LDLRAD4: variants seen among roughly 807,000 people sequenced by gnomAD.
The protein encoded by LDLRAD4 is low-density lipoprotein receptor class A domain-containing protein 4.
Under a neutral mutation model 17.0 loss-of-function variants are expected in LDLRAD4, and 5 were observed. The observed-to-expected ratio is 0.29, with a 90% CI of 0.15 to 0.62. The LOEUF (loss-of-function observed/expected upper bound fraction) is 0.62. Ranked by LOEUF, LDLRAD4 falls within the 20% of genes least tolerant of loss-of-function variation. LDLRAD4 has a pLI of 0.84. For missense variants in LDLRAD4, 340 were observed against 424.7 expected (o/e 0.80, Z 1.75); for synonymous variants, 168 against 171.8 (o/e 0.98, Z 0.17).
chr18:13,486,225 T>A (rs2147027115), intron 3 of LDLRAD4, among the ~76,000 whole-genome samples: 1 of 152,370 alleles, frequency 6.6e-6, no homozygotes, highest in Admixed American at 6.5e-5. Flanking sequence ...CGTAGTTCCC[T>A]GGGATATGTC....
chr18:13,408,629 C>T (rs2088017232), intron 2 of LDLRAD4, among the ~76,000 whole-genome samples: 1 of 151,872 alleles, frequency 6.6e-6, no homozygotes. Context: ...CCCGCCACCA[C>T]ACCTGGCTAA....
chr18:13,307,482 T>C (rs2046983761), intron 1 of LDLRAD4, among the ~76,000 whole-genome samples: 2 of 152,216 alleles, frequency 1.3e-5, no homozygotes, highest in Non-Finnish European at 2.9e-5. Context: ...AGTGGTGCCA[T>C]CTTGGCACCC....
chr18:13,572,355 T>A (rs1785149), intron 3 of LDLRAD4, among the ~76,000 whole-genome samples: 1 of 152,068 alleles, frequency 6.6e-6, no homozygotes, highest in Non-Finnish European at 1.5e-5. Flanking sequence ...TGAATGTGAA[T>A]GTCCTCAGCT....
chr18:13,576,946 C>T (rs1377218111), intron 3 of LDLRAD4, among the ~76,000 whole-genome samples: 2 of 152,198 alleles, frequency 1.3e-5, no homozygotes, highest in South Asian at 2.1e-4. Flanking sequence ...AACAACATGT[C>T]GTTGTCTGTG....
chr18:13,584,010 C>T (rs1204716886), intron 3 of LDLRAD4, among the ~76,000 whole-genome samples: 2 of 152,102 alleles, frequency 1.3e-5, no homozygotes, highest in Non-Finnish European at 2.9e-5. Flanking sequence ...CCACCACCGC[C>T]CTTAGCCCAT....
At chr18:13,387,486 C>G in exon 2 of LDLRAD4, 2 of 467,830 alleles carry the variant, frequency 4.3e-6, no homozygotes, top group Non-Finnish European at 7.6e-6. Context: ...GCGCCATGGC[C>G]TCCGCGCCCT....
intron 1 of LDLRAD4, among the ~76,000 whole-genome samples, chr18:13,377,591 G>A (rs2085017413): frequency 6.6e-6 from 1 of 152,170 alleles, no homozygotes; most frequent in Non-Finnish European, 1.5e-5. Flanking sequence ...GATATCAGAT[G>A]GGCCTGTATC....
intron 1 of LDLRAD4, among the ~76,000 whole-genome samples, chr18:13,322,290 CTTTTTTT>C (rs370707500): frequency 9.1e-6 from 1 of 109,742 alleles, no homozygotes; most frequent in Non-Finnish European, 1.7e-5. Flanking sequence ...ACTTTTCTCA[CTTTTTTT>C]TTTTTTTTTT....
intron 1 of LDLRAD4, among the ~76,000 whole-genome samples, chr18:13,317,298 C>T (rs9953274): frequency 0.43 from 64,950 of 152,038 alleles, 14,903 homozygotes; most frequent in African/African-American, 0.61. Flanking sequence ...ATAGCTTCAA[C>T]CTGTAGAGAC....
At chr18:13,242,180 T>C (rs1242809312) in intron 1 of LDLRAD4, 1 of 152,268 alleles carries the variant, frequency 6.6e-6, no homozygotes, top group South Asian at 2.1e-4. Context: ...GCTTCTGACT[T>C]GTTGACCTAC....
chr18:13,401,062 A>T (rs1568102344), intron 2 of LDLRAD4, among the ~76,000 whole-genome samples: 1 of 152,016 alleles, frequency 6.6e-6, no homozygotes, highest in Non-Finnish European at 1.5e-5. Context: ...GCCGTTGCTG[A>T]TAGGAGGGCA....
chr18:13,480,583 C>T (rs531237622), intron 3 of LDLRAD4, among the ~76,000 whole-genome samples: 1 of 152,252 alleles, frequency 6.6e-6, no homozygotes, highest in South Asian at 2.1e-4. Flanking sequence ...GTGGTGGTGT[C>T]CGTCCATCAA....
intron 1 of LDLRAD4, among the ~76,000 whole-genome samples, chr18:13,272,748 G>C (rs889301822): frequency 1.3e-5 from 2 of 152,264 alleles, no homozygotes; most frequent in Non-Finnish European, 2.9e-5. Flanking sequence ...CTGCATGGCA[G>C]CCTTGTAGAC....
rs1346949778 is a variant in LDLRAD4 at position 13,285,240 on chromosome 18, G to A, written c.-383+7052G>A. On this transcript the variant is annotated intron_variant, in intron 1 of 5. Transcript: ENST00000359446. Reference sequence around the variant, plus strand: ...AATGTTGCCAGTTCCTGGGGAGAATGCCAGGGCTTTGATAGGATTCTCAGG... The same window carrying A: ...AATGTTGCCAGTTCCTGGGGAGAATACCAGGGCTTTGATAGGATTCTCAGG... Among the ~76,000 whole-genome samples the A allele has an allele frequency of 2.6e-5, 4 of 152,210 alleles. No homozygotes were observed. In the East Asian group the frequency reaches 7.7e-4, roughly 29 times the overall value.
At chr18:13,461,053 G>A (rs2092403216) in intron 3 of LDLRAD4, 1 of 150,772 alleles carries the variant, frequency 6.6e-6, no homozygotes, top group South Asian at 2.1e-4. Flanking sequence ...GGTGAACACA[G>A]TGCCCACCTC....
At chr18:13,364,864 T>C (rs913561844) in intron 1 of LDLRAD4, among the ~76,000 whole-genome samples, 1 of 152,192 alleles carries the variant, frequency 6.6e-6, no homozygotes, top group Admixed American at 6.5e-5. Flanking sequence ...AGCTCAGCGC[T>C]CAGTGCAGTT....
chr18:13,524,903 G>A (rs1006444771), intron 3 of LDLRAD4, among the ~76,000 whole-genome samples: 10 of 152,214 alleles, frequency 6.6e-5, no homozygotes, highest in Non-Finnish European at 1.2e-4. Flanking sequence ...CTAAGTTGGC[G>A]TGTGTCACTC....
chr18:13,541,928 T>C (rs2147953206), intron 3 of LDLRAD4, among the ~76,000 whole-genome samples: 1 of 152,032 alleles, frequency 6.6e-6, no homozygotes, highest in Middle Eastern at 3.4e-3. Flanking sequence ...CCAAAAAAAT[T>C]AGTGGGGTGT....
At chr18:13,405,751 C>T (rs972994474) in intron 2 of LDLRAD4, among the ~76,000 whole-genome samples, 4 of 152,018 alleles carry the variant, frequency 2.6e-5, no homozygotes, top group South Asian at 2.1e-4. Context: ...CCTATGCGAG[C>T]GTTTTCACCA....
Sources: allele counts gnomAD v4.1 joint callset (sites outside exome capture counted in the v4.1 genomes callset), GRCh38; gene constraint gnomAD v4.1.1; transcripts MANE v1.5; gene names NCBI Gene and HGNC (gene_info 2026-07-23, HGNC 2026-07-21).